Variants in RBCK1 observed in about 807,000 individuals in gnomAD.
RBCK1 encodes the protein ranBP-type and C3HC4-type zinc finger-containing protein 1.
RBCK1 carries 44 observed loss-of-function variants against 71.1 expected under a neutral mutation model. That is an observed-to-expected ratio of 0.62 (90% confidence interval 0.49 to 0.80). The LOEUF (loss-of-function observed/expected upper bound fraction) is 0.80. Ranked by LOEUF, RBCK1 falls within the 30% of genes least tolerant of loss-of-function variation. The pLI, the probability that RBCK1 is intolerant of heterozygous loss-of-function variation, is 0.00. For missense variants in RBCK1, 569 were observed against 685.0 expected, an observed-to-expected ratio of 0.83 and a Z score of 1.89; for synonymous variants, 306 against 279.7, an observed-to-expected ratio of 1.09 and a Z score of -0.94.
chr20:430,598 T>C lies in RBCK1; in HGVS notation c.*168T>C, dbSNP rs11906780. 6.5e-3 allele frequency: 4,394 copies of C among 676,836 alleles called. 138 individuals carry two copies. The African/African-American group carries it at 0.069, about 11-fold the overall frequency. 41.9% of individuals were successfully genotyped at this position (676,836 alleles called of 1,614,324 possible). The stretch of plus-strand genomic sequence containing the variant: ...TGCCCCAGTGCCTTTGTCCTTCCCT[T>C]GGGGCTTGCCGGCCAGACTTCTCTC... On this transcript the variant is annotated 3_prime_UTR_variant, in exon 12 of 12. Coordinates refer to ENST00000356286, the MANE Select transcript of RBCK1 (RefSeq NM_031229.4). The surrounding 1 kb of genome is among the most constrained non-coding windows in gnomAD (Gnocchi z 5.6).
chr20:427,259 G>T, intron 8 of RBCK1, 54 bp from the exon 9 acceptor site: 1 of 1,580,894 alleles, frequency 6.3e-7, no homozygotes. Flanking sequence ...GTGGTCAAGG[G>T]TCATATGTCA....
intron 7 of RBCK1, among the ~76,000 whole-genome samples, chr20:421,409 G>C (rs6051899): frequency 1.3e-5 from 2 of 152,032 alleles, no homozygotes; most frequent in Non-Finnish European, 2.9e-5. Flanking sequence ...ACACAGACCC[G>C]CTCACCACAG....
In RBCK1 at chr20:419,464, C is replaced by T; in HGVS notation, c.578C>T (p.Pro193Leu). 6.2e-7 allele frequency: 1 copy of T among 1,606,060 alleles called. No homozygotes were observed. ...RGQPDAVPEP[P>L]PVGWQCPGCT... ...CAGCCAGATGCAGTGCCTGAGCCCC[C>T]ACCGGTAAGCTGTCCTTGGCCTCAG... The change falls in exon 5 of 12, where the codon CCA becomes CTA. Residue 193 changes from proline to leucine, a missense_variant. Physicochemically the swap from Pro to Leu is moderately conservative, Grantham distance 98. Around this residue, in one of 2 missense-constraint regions of RBCK1, gnomAD observed 358 missense variants for 375.6 expected, o/e 0.95. Coordinates refer to ENST00000356286, the MANE Select transcript of RBCK1 (RefSeq NM_031229.4).
In RBCK1 at chr20:428,988, A is replaced by C; in HGVS notation, c.1346A>C (p.Gln449Pro). Reference sequence around the variant, plus strand: ...CAGGGCGAGGCCATGCGCTGCCCCCAGTGCCAGATCGTGGTACAGAAGAAG... The same window carrying C: ...CAGGGCGAGGCCATGCGCTGCCCCCCGTGCCAGATCGTGGTACAGAAGAAG... ...LQQGEAMRCP[Q>P]CQIVVQKKDG... is the part of the protein sequence containing the mutation. The change falls in exon 11 of 12, where the codon CAG becomes CCG. Residue 449 changes from glutamine (Q) to proline (P), a missense_variant. By Grantham distance (76) the Gln-to-Pro change is moderately conservative. Around this residue, in one of 2 missense-constraint regions of RBCK1, gnomAD observed 211 missense variants for 309.4 expected, o/e 0.68. Coordinates refer to ENST00000356286, the MANE Select transcript of RBCK1 (RefSeq NM_031229.4). This position sits in a 1 kb window ranked among gnomAD's most constrained non-coding sequence, Gnocchi z 5.7. The C allele has an allele frequency of 6.2e-7, 1 of 1,611,634 alleles. No homozygotes were observed. Among genetic ancestry groups the C allele is most frequent in the Non-Finnish European group, 8.5e-7 (1 of 1,179,888 alleles).
chr20:414,613 A>T (rs1029853233), intron 2 of RBCK1, among the ~76,000 whole-genome samples: 12 of 152,208 alleles, frequency 7.9e-5, no homozygotes, highest in Non-Finnish European at 1.5e-4. Flanking sequence ...GCTTTAAAAA[A>T]TTTTGTTTTC....
intron 1 of RBCK1, 93 bp from the exon 2 acceptor site, chr20:409,788 A>G: frequency 6.6e-7 from 1 of 1,520,748 alleles, no homozygotes; most frequent in South Asian, 1.3e-5. Flanking sequence ...AGAAAGCAGC[A>G]CACACAAAGG....
In RBCK1 at chr20:420,937, C is replaced by A. The variant is rs748682825; in HGVS notation, c.823C>A (p.Leu275Met). 1.3e-6 allele frequency: 2 copies of A among 1,555,386 alleles called. No individual in the cohort carries two copies. Among genetic ancestry groups the A allele is most frequent in the Admixed American group, 3.9e-5 (2 of 51,698 alleles). The change falls in exon 7 of 12, where the codon CTG becomes ATG. Residue 275 changes from leucine to methionine, a missense_variant. By Grantham distance (15) the Leu-to-Met change is conservative (BLOSUM62 2). Coordinates refer to ENST00000356286, the MANE Select transcript of RBCK1 (RefSeq NM_031229.4). ...CCAGCTGGACCAGAGGAGCCTGGTG[C>A]TGAACACGGAGCCCGCCGAGTGCCC... is the stretch of plus-strand genomic sequence containing the variant. ...HVQLDQRSLV[L>M]NTEPAECPVC...
chr20:425,266 C>T (rs992491060), intron 8 of RBCK1, among the ~76,000 whole-genome samples: 1 of 152,176 alleles, frequency 6.6e-6, no homozygotes, highest in Non-Finnish European at 1.5e-5. Flanking sequence ...CCACCTCGGC[C>T]TCCCAAAGTG....
chr20:417,589 T>C lies in RBCK1; in HGVS notation c.231T>C (p.Pro77=). ...TCACCATCTGGCTCACAGTGCGCCC[T>C]GATATGACAGTGGCGTCTCTCAAGG... is the stretch of plus-strand genomic sequence containing the variant. ...HTVTIWLTVR[P]DMTVASLKDM... Residue 77 remains proline (P), a synonymous_variant, in exon 3 of 12, where the codon CCT becomes CCC. Transcript: ENST00000356286. This position sits in a 1 kb window ranked among gnomAD's most constrained non-coding sequence, Gnocchi z 4.7. 1 of 1,613,976 alleles carries C rather than the reference T, an allele frequency of 6.2e-7. No homozygotes were observed. The highest frequency in any genetic ancestry group is 1.3e-5 in the African/African-American group (1 of 75,042).
At chr20:410,958 A>C (rs1346600974) in intron 2 of RBCK1, among the ~76,000 whole-genome samples, 2 of 152,120 alleles carry the variant, frequency 1.3e-5, no homozygotes, top group Non-Finnish European at 2.9e-5. Flanking sequence ...CCATTGCCAC[A>C]ATCAATTTTA....
chr20:411,804 C>T (rs775930866), intron 2 of RBCK1, among the ~76,000 whole-genome samples: 4 of 152,184 alleles, frequency 2.6e-5, no homozygotes, highest in Non-Finnish European at 4.4e-5. Flanking sequence ...AGCCACCATG[C>T]CCAACCAGAA....
Position 409,845 on chromosome 20 carries a change from C to G in RBCK1, c.23-36C>G, listed in dbSNP as rs768710610. ...TTACTCTCAGCTCCTGAAAATAAAC[C>G]CTGTGCTAACTGGCTCCTGCTGTAC... On this transcript the variant is annotated intron_variant, in intron 1 of 11. Transcript: ENST00000356286. 17 of 1,599,590 alleles carry G rather than the reference C, an allele frequency of 1.1e-5. No individual in the cohort carries two copies. The East Asian group carries it at 3.1e-4, about 30-fold the overall frequency.
chr20:425,076 TCTC>T (rs896475569), intron 8 of RBCK1, among the ~76,000 whole-genome samples: 4 of 152,052 alleles, frequency 2.6e-5, no homozygotes, highest in Non-Finnish European at 4.4e-5. Context: ...AATGGCGCGA[TCTC>T]AGCCCACTGC....
Position 421,140 on chromosome 20 carries a change from C to T in RBCK1, c.917+109C>T, listed in dbSNP as rs564946730. 208 of 1,318,032 alleles carry T rather than the reference C, an allele frequency of 1.6e-4. 2 individuals carry two copies. The South Asian group carries it at 3.0e-3, about 19-fold the overall frequency. The allele number at this position is 1,318,032 out of a possible 1,614,324, so 81.6% of individuals were successfully genotyped here. ...GCTCTGATACCTCATTGGACGCCCG[C>T]GAAAACCTACGAGGTAGGCTCCGTC... is the stretch of plus-strand genomic sequence containing the variant. On this transcript the variant is annotated intron_variant, in intron 7 of 11. Transcript: ENST00000356286.
At chr20:415,225 A>T (rs1315335757) in intron 2 of RBCK1, among the ~76,000 whole-genome samples, 2 of 152,088 alleles carry the variant, frequency 1.3e-5, no homozygotes, top group African/African-American at 4.8e-5. Context: ...AACATTAGCT[A>T]GGCATGGTGG....
chr20:426,672 A>C (rs2016730596), intron 8 of RBCK1, among the ~76,000 whole-genome samples: 1 of 152,088 alleles, frequency 6.6e-6, no homozygotes, highest in South Asian at 2.1e-4. Flanking sequence ...TAGACATAAC[A>C]TTTACCATTT....
Position 408,566 on chromosome 20 carries a change from C to T in RBCK1, c.-192C>T. ...CTCACCGCCCCACGCAGGATCCCGG[C>T]CTGGTCACCGGGCAGTGTGATGCTT... On this transcript the variant is annotated 5_prime_UTR_variant, in exon 1 of 12. Coordinates refer to ENST00000356286, the MANE Select transcript of RBCK1 (RefSeq NM_031229.4). 1 of 702,838 alleles carries T rather than the reference C, an allele frequency of 1.4e-6. No homozygotes were observed. Among genetic ancestry groups the T allele is most frequent in the Non-Finnish European group, 2.5e-6 (1 of 406,190 alleles). The allele number at this position is 702,838 out of a possible 1,614,324, so 43.5% of individuals were successfully genotyped here. A position where few individuals can be genotyped will look rare whatever the true frequency, so the allele number is the denominator to read the frequency against.
intron 8 of RBCK1, 45 bp from the exon 9 acceptor site, chr20:427,268 C>T: frequency 6.3e-7 from 1 of 1,596,768 alleles, no homozygotes; most frequent in Non-Finnish European, 8.6e-7. Flanking sequence ...GGTCATATGT[C>T]AGGTGTTCTG....
At chr20:414,034 C>T (rs2015855253) in intron 2 of RBCK1, among the ~76,000 whole-genome samples, 1 of 151,232 alleles carries the variant, frequency 6.6e-6, no homozygotes, top group South Asian at 2.1e-4. Context: ...AGTTCTTGCT[C>T]GCTTTAAAGA....
Sources: gnomAD v4.1 joint callset for allele counts (sites outside exome capture counted in the v4.1 genomes callset) on GRCh38, gnomAD v4.1.1 for gene constraint, gnomAD v4.1.1 regional missense constraint, Gnocchi (gnomAD v3.1) non-coding constraint, MANE v1.5 for transcripts, NCBI Gene and HGNC (gene_info 2026-07-23, HGNC 2026-07-21) for gene names.